The following LRRC36 variants were observed in gnomAD, a reference collection of about 807,000 sequenced individuals.
The protein encoded by LRRC36 is leucine-rich repeat-containing protein 36.
Under a neutral mutation model 81.1 loss-of-function variants are expected in LRRC36, and 62 were observed. The observed-to-expected ratio is 0.76, with a 90% confidence interval of 0.62 to 0.94. The LOEUF (loss-of-function observed/expected upper bound fraction) is 0.94, where lower values mean the gene tolerates loss of function less well. LRRC36 is among the 40% of genes least tolerant of loss of function. The probability of loss-of-function intolerance (pLI) is 0.00; values close to 1 mark genes in which losing one functional copy is unlikely to be tolerated. For synonymous variants in LRRC36, 334 were observed against 348.6 expected (o/e 0.96, Z 0.47); for missense variants, 761 against 881.7 (o/e 0.86, Z 1.73).
Position 67,370,716 on chromosome 16 carries a change from A to AGG in LRRC36, c.1196-227_1196-226dup, listed in dbSNP as rs2039597537. 2.0e-5 allele frequency among the ~76,000 whole-genome samples: 3 copies of AGG among 152,012 alleles called. No homozygotes were observed. The East Asian group carries it at 5.8e-4, about 29-fold the overall frequency. Reference sequence around the variant, plus strand: ...AGTGGTCATGAGTTTAAAGTGAGAAAGGTCAGAACAGATGCGTTTTTTTCT... The same window carrying AGG: ...AGTGGTCATGAGTTTAAAGTGAGAAAGGGGTCAGAACAGATGCGTTTTTTTCT... On this transcript the variant is annotated intron_variant, in intron 8 of 13. Coordinates refer to ENST00000329956, the MANE Select transcript of LRRC36 (RefSeq NM_018296.6).
chr16:67,375,194 A>T, intron 9 of LRRC36, 53 bp from the exon 10 acceptor site: 1 of 1,571,326 alleles, frequency 6.4e-7, no homozygotes, highest in Non-Finnish European at 8.7e-7. Flanking sequence ...TGTAAGAATG[A>T]CAAATGGTTG....
chr16:67,333,718 G>A (rs1188239714), intron 1 of LRRC36, among the ~76,000 whole-genome samples: 2 of 152,114 alleles, frequency 1.3e-5, no homozygotes, highest in South Asian at 2.1e-4. Context: ...GTTTTAGCAT[G>A]TATTAATACT....
At chr16:67,333,765 T>G (rs963151610) in intron 1 of LRRC36, among the ~76,000 whole-genome samples, 6 of 152,194 alleles carry the variant, frequency 3.9e-5, no homozygotes, top group Non-Finnish European at 8.8e-5. Flanking sequence ...GACTTTATTT[T>G]TTAGAGCAGT....
chr16:67,328,691 A>G (rs1297027985), intron 1 of LRRC36, among the ~76,000 whole-genome samples: 1 of 152,062 alleles, frequency 6.6e-6, no homozygotes, highest in African/African-American at 2.4e-5. Flanking sequence ...TTATAATTTT[A>G]TATTATGGCA....
intron 6 of LRRC36, among the ~76,000 whole-genome samples, chr16:67,364,498 T>C (rs1438434119): frequency 6.6e-6 from 1 of 152,336 alleles, no homozygotes; most frequent in East Asian, 1.9e-4. Context: ...AAGTTAGTAC[T>C]ATTCTTTTCA....
intron 1 of LRRC36, among the ~76,000 whole-genome samples, chr16:67,330,259 T>C (rs561640677): frequency 6.6e-6 from 1 of 152,208 alleles, no homozygotes; most frequent in Non-Finnish European, 1.5e-5. Context: ...GTGTTCTTTC[T>C]TTTCGTGATA....
chr16:67,349,702 A>G (rs2038523464), intron 4 of LRRC36, among the ~76,000 whole-genome samples: 1 of 151,968 alleles, frequency 6.6e-6, no homozygotes, highest in African/African-American at 2.4e-5. Context: ...CTTCTCTCAT[A>G]TTTCCCAGTA....
chr16:67,375,867 C>T (rs16957378), intron 10 of LRRC36, among the ~76,000 whole-genome samples: 32,053 of 152,054 alleles, frequency 0.21, 7,131 homozygotes, highest in African/African-American at 0.56. Flanking sequence ...GGGGTTCGTT[C>T]TTTAGAAACA....
intron 1 of LRRC36, among the ~76,000 whole-genome samples, chr16:67,332,357 C>A (rs1397379230): frequency 6.6e-6 from 1 of 151,898 alleles, no homozygotes; most frequent in East Asian, 1.9e-4. Flanking sequence ...ATCGAGACAA[C>A]CCTGGCTAAC....
intron 1 of LRRC36, among the ~76,000 whole-genome samples, chr16:67,341,558 T>C (rs2038083542): frequency 6.6e-6 from 1 of 151,998 alleles, no homozygotes; most frequent in African/African-American, 2.4e-5. Context: ...TCTATTTCTT[T>C]CTTTTTAATT....
intron 5 of LRRC36, among the ~76,000 whole-genome samples, chr16:67,353,553 A>AT (rs2038756747): frequency 6.6e-6 from 1 of 151,778 alleles, no homozygotes; most frequent in Non-Finnish European, 1.5e-5. Flanking sequence ...TGCCCAGCTA[A>AT]TTTTTGTATT....
chr16:67,362,451 G>A (rs986657425), intron 5 of LRRC36: 3 of 229,652 alleles, frequency 1.3e-5, no homozygotes, highest in African/African-American at 4.7e-5. Context: ...GTGAGTCACC[G>A]TGCCTGGCCA....
In LRRC36 at chr16:67,363,669, T is replaced by C. The variant is rs1357989659; in HGVS notation, c.657T>C (p.Asn219=). ...DSLSTSATQG[N]GTRDQKLDTF... ...TAAGTACTTCTGCAACTCAGGGCAA[T>C]GGTACACGTGATCAGAAATTAGACA... Residue 219 remains asparagine, a synonymous_variant, in exon 6 of 14, where the codon AAT becomes AAC. Transcript: ENST00000329956. 2.5e-6 allele frequency: 4 copies of C among 1,613,852 alleles called. No individual in the cohort carries two copies. In the Admixed American group the frequency reaches 5.0e-5, roughly 20 times the overall value.
chr16:67,380,587 T>TA (rs2040070264), intron 12 of LRRC36, among the ~76,000 whole-genome samples: 1 of 152,186 alleles, frequency 6.6e-6, no homozygotes, highest in Admixed American at 6.5e-5. Flanking sequence ...TTTCCATTGT[T>TA]AAATCTCAGC....
intron 5 of LRRC36, among the ~76,000 whole-genome samples, chr16:67,356,838 G>A (rs546920546): frequency 6.6e-6 from 1 of 152,304 alleles, no homozygotes; most frequent in South Asian, 2.1e-4. Flanking sequence ...GGTATTCAAT[G>A]TAGAGGGAAA....
At chr16:67,376,326 TG>T (rs1280210428) in intron 10 of LRRC36, among the ~76,000 whole-genome samples, 3 of 151,342 alleles carry the variant, frequency 2.0e-5, no homozygotes, top group African/African-American at 7.3e-5. Context: ...AACAAACAAA[TG>T]AAAAAAACAA....
chr16:67,364,276 G>A (rs763261837), intron 6 of LRRC36, among the ~76,000 whole-genome samples: 7 of 152,198 alleles, frequency 4.6e-5, no homozygotes, highest in Non-Finnish European at 1.0e-4. Flanking sequence ...GGTGACAGAA[G>A]GGATGCAACC....
intron 1 of LRRC36, among the ~76,000 whole-genome samples, chr16:67,328,970 C>A (rs1222062496): frequency 6.6e-6 from 1 of 152,136 alleles, no homozygotes. Flanking sequence ...AGGGCAGTGG[C>A]GTGATCTCGG....
At chr16:67,380,482 G>T (rs998358996) in intron 12 of LRRC36, among the ~76,000 whole-genome samples, 1 of 152,216 alleles carries the variant, frequency 6.6e-6, no homozygotes, top group East Asian at 1.9e-4. Context: ...TAAAGTTTGC[G>T]CTTGACAGAC....
Sources: gnomAD v4.1 joint callset for allele counts (sites outside exome capture counted in the v4.1 genomes callset) on GRCh38, gnomAD v4.1.1 for gene constraint, MANE v1.5 for transcripts, NCBI Gene and HGNC (gene_info 2026-07-23, HGNC 2026-07-21) for gene names.